Variants in MAGI2 observed in about 807,000 individuals in gnomAD.
MAGI2 encodes the protein membrane-associated guanylate kinase, WW and PDZ domain-containing protein 2.
Under a neutral mutation model 133.3 loss-of-function variants are expected in MAGI2, and 35 were observed. The ratio of observed to expected loss-of-function variants is 0.26; its 90% CI spans 0.20 to 0.35. The LOEUF is 0.35. Ranked by LOEUF, MAGI2 falls within the 10% of genes least tolerant of loss-of-function variation. The pLI is 1.00. For missense variants in MAGI2, 1,636 were observed against 1,863.4 expected (o/e 0.88, Z 2.25); for synonymous variants, 729 against 710.6 (o/e 1.03, Z -0.41).
chr7:78,116,358 G>GA (rs34731843), intron 20 of MAGI2, among the ~76,000 whole-genome samples: 116,978 of 143,154 alleles, frequency 0.82, 47,930 homozygotes, highest in Non-Finnish European at 0.87. Context: ...TCCAACTTAG[G>GA]AAAAAAAAAA....
chr7:78,446,636 C>T (rs1788170679), intron 6 of MAGI2, among the ~76,000 whole-genome samples: 1 of 152,058 alleles, frequency 6.6e-6, no homozygotes, highest in Admixed American at 6.6e-5. Flanking sequence ...ATGTCCTCTG[C>T]AGTCAAGTTC....
At chr7:78,399,720 AT>A (rs1486597859) in intron 6 of MAGI2, among the ~76,000 whole-genome samples, 1 of 145,138 alleles carries the variant, frequency 6.9e-6, no homozygotes, top group Non-Finnish European at 1.5e-5. Context: ...CACAAGAATA[AT>A]TTGAACCTGG....
rs377566854 is a variant in MAGI2 at position 79,168,868 on chromosome 7, A to C, written c.302-161662T>G. Reference sequence around the variant, plus strand: ...TCATTTGGTGACAGTAATGTCTGCCAGGTTTTTCTTTCTAAAGATAGATAT... The same window carrying C: ...TCATTTGGTGACAGTAATGTCTGCCCGGTTTTTCTTTCTAAAGATAGATAT... On this transcript the variant is annotated intron_variant, in intron 1 of 21. Coordinates refer to ENST00000354212, the MANE Select transcript of MAGI2 (RefSeq NM_012301.4). Among the ~76,000 whole-genome samples, 15 of 142,654 alleles carry C rather than the reference A, an allele frequency of 1.1e-4. No homozygotes were observed. The East Asian group carries it at 3.2e-3, about 30-fold the overall frequency. The allele number at this position is 142,654 out of a possible 152,430, so 93.6% of individuals were successfully genotyped here. A position where few individuals can be genotyped will look rare whatever the true frequency, so the allele number is the denominator to read the frequency against.
chr7:78,301,031 A>G (rs538306565), intron 9 of MAGI2, among the ~76,000 whole-genome samples: 16 of 152,200 alleles, frequency 1.1e-4, no homozygotes, highest in Non-Finnish European at 1.6e-4. Flanking sequence ...CCATTTTAAG[A>G]TGAACAAAGT....
intron 6 of MAGI2, among the ~76,000 whole-genome samples, chr7:78,462,911 C>T (rs1477190491): frequency 6.6e-6 from 1 of 152,168 alleles, no homozygotes; most frequent in Non-Finnish European, 1.5e-5. Flanking sequence ...ATTCTGCTCT[C>T]ATTCAGCACA....
chr7:78,957,336 A>AGC (rs547135567), intron 2 of MAGI2, among the ~76,000 whole-genome samples: 63 of 151,546 alleles, frequency 4.2e-4, no homozygotes, highest in African/African-American at 1.5e-3. Flanking sequence ...GCTCCTTATA[A>AGC]GTAAAGGAGC....
intron 7 of MAGI2, among the ~76,000 whole-genome samples, chr7:78,363,022 A>G (rs1033461488): frequency 6.6e-6 from 1 of 152,232 alleles, no homozygotes; most frequent in Non-Finnish European, 1.5e-5. Flanking sequence ...AAAAGTTAAA[A>G]TAAAAGTAGA....
intron 1 of MAGI2, among the ~76,000 whole-genome samples, chr7:79,011,735 T>A (rs184016187): frequency 1.7e-3 from 260 of 152,254 alleles, no homozygotes; most frequent in African/African-American, 5.8e-3. Flanking sequence ...GTTCTAATCA[T>A]CTTATTTATT....
intron 1 of MAGI2, among the ~76,000 whole-genome samples, chr7:79,365,477 T>C (rs1173817782): frequency 1.3e-5 from 2 of 152,184 alleles, no homozygotes; most frequent in East Asian, 3.9e-4. Context: ...TCAGCTCATA[T>C]GTCCTTCAAC....
Position 78,019,624 on chromosome 7 carries a change from C to T in MAGI2, c.4059G>A (p.Ala1353=). The T allele has an allele frequency of 1.0e-6, 1 of 995,908 alleles. No homozygotes were observed. 61.7% of individuals were successfully genotyped at this position (995,908 alleles called of 1,614,324 possible). A position where few individuals can be genotyped will look rare whatever the true frequency, so the allele number is the denominator to read the frequency against. Residue 1353 remains alanine, a synonymous_variant, in exon 22 of 22, where the codon GCG becomes GCA. Transcript: ENST00000354212. The part of the protein sequence containing the change: ...PASEARAPGL[A]AADAADAARA... Reference sequence around the variant, plus strand: ...GCGCCGCGTCCGCCGCGTCTGCCGCCGCGAGCCCGGGCGCCCTGGCCTCCG... The same window carrying T: ...GCGCCGCGTCCGCCGCGTCTGCCGCTGCGAGCCCGGGCGCCCTGGCCTCCG...
intron 1 of MAGI2, among the ~76,000 whole-genome samples, chr7:79,085,753 C>G (rs141726588): frequency 2.0e-5 from 3 of 151,838 alleles, no homozygotes. Flanking sequence ...TGGCTGCTAA[C>G]GACTCTGATC....
rs554487401 is a variant in MAGI2, at chr7:78,131,472, A to C, written c.3203+1417T>G. Among the ~76,000 whole-genome samples the C allele has an allele frequency of 1.4e-3, 214 of 152,348 alleles. 1 individual carries two copies. Among genetic ancestry groups the C allele is most frequent in the Middle Eastern group, 3.4e-3 (1 of 294 alleles). On this transcript the variant is annotated intron_variant, in intron 18 of 21. Transcript: ENST00000354212. ...AACCCAGAGAGTTCTGGGAATCAAA[A>C]ACAGAGTCTCACTTCATCTTCGCCA...
chr7:78,144,891 C>T (rs370908219), intron 16 of MAGI2, among the ~76,000 whole-genome samples: 117 of 152,172 alleles, frequency 7.7e-4, no homozygotes, highest in African/African-American at 2.2e-3. Context: ...TGCCCCCCTG[C>T]CCCCCATGTG....
intron 2 of MAGI2, among the ~76,000 whole-genome samples, chr7:78,884,988 A>T (rs1796153019): frequency 1.3e-5 from 2 of 152,330 alleles, no homozygotes; most frequent in Admixed American, 1.3e-4. Context: ...CAATAGCTCA[A>T]AATCAGGTCC....
chr7:78,289,247 T>C (rs529159790), intron 9 of MAGI2, among the ~76,000 whole-genome samples: 2 of 151,980 alleles, frequency 1.3e-5, no homozygotes, highest in East Asian at 1.9e-4. Flanking sequence ...ATAAACAGCA[T>C]AGAGAAGATC....
chr7:78,432,510 CGT>C (rs1273541218), intron 6 of MAGI2, among the ~76,000 whole-genome samples: 1 of 151,854 alleles, frequency 6.6e-6, no homozygotes, highest in East Asian at 1.9e-4. Context: ...TGTCCTAAAA[CGT>C]GTCTTTCTTC....
intron 9 of MAGI2, among the ~76,000 whole-genome samples, chr7:78,339,925 C>T (rs1790175764): frequency 6.6e-6 from 1 of 152,106 alleles, no homozygotes; most frequent in South Asian, 2.1e-4. Flanking sequence ...AATATAAGGG[C>T]ACCATAAAAA....
chr7:78,083,115 G>T (rs115169207), intron 20 of MAGI2, among the ~76,000 whole-genome samples: 116 of 151,882 alleles, frequency 7.6e-4, no homozygotes, highest in African/African-American at 2.6e-3. Context: ...GTCACTTTCC[G>T]CTATCACAAT....
chr7:79,417,552 C>T (rs1170709870), intron 1 of MAGI2, among the ~76,000 whole-genome samples: 1 of 152,118 alleles, frequency 6.6e-6, no homozygotes, highest in Non-Finnish European at 1.5e-5. Context: ...TTTTCAAACA[C>T]ATCTATGTAG....
Sources: gnomAD v4.1 joint callset for allele counts (sites outside exome capture counted in the v4.1 genomes callset) on GRCh38, gnomAD v4.1.1 for gene constraint, MANE v1.5 for transcripts, NCBI Gene and HGNC (gene_info 2026-07-23, HGNC 2026-07-21) for gene names.